Variants in FAM228B observed in about 807,000 individuals in gnomAD.
FAM228B encodes protein FAM228B.
A neutral mutation model predicts 42.6 loss-of-function variants in FAM228B; 38 were observed. That is an observed-to-expected ratio of 0.89 (90% CI 0.69 to 1.17). FAM228B has a LOEUF of 1.17. Ranked by LOEUF, FAM228B falls within the 50% of genes most tolerant of loss-of-function variation. The pLI is 0.00. For synonymous variants in FAM228B, 109 were observed against 122.3 expected, an observed-to-expected ratio of 0.89 and a Z score of 0.72; for missense variants, 344 against 367.3, an observed-to-expected ratio of 0.94 and a Z score of 0.52.
At chr2:24,132,211 G>A (rs1407310969) in intron 2 of FAM228B, among the ~76,000 whole-genome samples, 1 of 152,156 alleles carries the variant, frequency 6.6e-6, no homozygotes, top group African/African-American at 2.4e-5. Context: ...GCTTTTTGAT[G>A]TGCTGCTGGA....
chr2:24,146,843 G>A lies in FAM228B; in HGVS notation c.529+8G>A. On this transcript the variant is annotated splice_region_variant and intron_variant, in intron 6 of 10. Coordinates refer to ENST00000615575, the MANE Select transcript of FAM228B (RefSeq NM_001145710.2). ...TTCTTCAGTGTGAGACTGGTACTTA[G>A]TTCCTAATTGTTATGTGATTTCATA... 1.3e-6 allele frequency: 2 copies of A among 1,540,802 alleles called. No individual in the cohort carries two copies. Among genetic ancestry groups the A allele is most frequent in the Non-Finnish European group, 1.8e-6 (2 of 1,137,540 alleles).
chr2:24,124,349 A>G lies in FAM228B; in HGVS notation c.-13A>G, dbSNP rs961259396. The G allele has an allele frequency of 2.0e-6, 3 of 1,514,214 alleles. No individual in the cohort carries two copies. Among genetic ancestry groups the G allele is most frequent in the Middle Eastern group, 1.7e-4 (1 of 5,876 alleles). The allele number at this position is 1,514,214 out of a possible 1,614,324, so 93.8% of individuals were successfully genotyped here. A position where few individuals can be genotyped will look rare whatever the true frequency, so the allele number is the denominator to read the frequency against. ...TTTTAGTTTTTCCAGGGGCATTGTT[A>G]TTTGTGACCACAATGAAAAATGTAG... On this transcript the variant is annotated 5_prime_UTR_variant, in exon 2 of 11. Coordinates refer to ENST00000615575, the MANE Select transcript of FAM228B (RefSeq NM_001145710.2).
At chr2:24,083,172 C>T (rs750128704) in intron 2 of FAM228B, 2 of 1,579,674 alleles carry the variant, frequency 1.3e-6, no homozygotes, top group South Asian at 1.1e-5. Flanking sequence ...AAGAAGTGCA[C>T]TAAGTGGTGA....
chr2:24,161,766 C>T (rs926780834), intron 8 of FAM228B, among the ~76,000 whole-genome samples, 153 bp downstream of exon 8: 1 of 152,210 alleles, frequency 6.6e-6, no homozygotes, highest in Non-Finnish European at 1.5e-5. Context: ...ACCACTGTGT[C>T]TGGTGAGGTG....
chr2:24,155,504 C>CAT lies in FAM228B; in HGVS notation c.687-5975_687-5974dup, dbSNP rs1156603467. 6.7e-3 allele frequency among the ~76,000 whole-genome samples: 240 copies of CAT among 35,864 alleles called. 7 individuals are homozygous for CAT. The highest frequency in any genetic ancestry group is 0.021 in the African/African-American group (203 of 9,876). 23.5% of individuals were successfully genotyped at this position (35,864 alleles called of 152,430 possible). The stretch of plus-strand genomic sequence containing the variant: ...GTGCCAGAAGTCATTGAAGACCATG[C>CAT]ATATATATATATATATATATATATA... On this transcript the variant is annotated intron_variant, in intron 7 of 10. Transcript: ENST00000615575.
chr2:24,119,278 A>T (rs1666022308), upstream of FAM228B, among the ~76,000 whole-genome samples: 1 of 152,122 alleles, frequency 6.6e-6, no homozygotes, highest in South Asian at 2.1e-4. Flanking sequence ...ATTAAGGGGT[A>T]TTATGGGAGG....
At chr2:24,130,768 A>G (rs1194690452) in intron 2 of FAM228B, among the ~76,000 whole-genome samples, 2 of 152,122 alleles carry the variant, frequency 1.3e-5, no homozygotes, top group African/African-American at 4.8e-5. Context: ...TTCCAATGAT[A>G]GTTTCTTTTG....
chr2:24,097,593 T>G (rs1471536239), intron 3 of FAM228B: 2 of 151,714 alleles, frequency 1.3e-5, no homozygotes, highest in Non-Finnish European at 2.9e-5. Context: ...CTATCCTAAA[T>G]ATATATGCAC....
chr2:24,081,998 T>G (rs1665028244), intron 2 of FAM228B, among the ~76,000 whole-genome samples: 1 of 151,802 alleles, frequency 6.6e-6, no homozygotes, highest in African/African-American at 2.4e-5. Flanking sequence ...CCCAGCCTAC[T>G]CTTTCTTTTT....
chr2:24,099,651 C>T (rs1358509288), intron 3 of FAM228B, among the ~76,000 whole-genome samples: 1 of 152,204 alleles, frequency 6.6e-6, no homozygotes, highest in Non-Finnish European at 1.5e-5. Context: ...ATTTCATTCT[C>T]ATGGATAGGA....
chr2:24,084,182 TG>T lies in FAM228B; in HGVS notation c.-210+3230del. The T allele has an allele frequency of 6.2e-7, 1 of 1,609,714 alleles. No homozygotes were observed. Among genetic ancestry groups the T allele is most frequent in the Non-Finnish European group, 8.5e-7 (1 of 1,178,570 alleles). ...CGCCCGCCCCGGCGCGGCTGAGCCCTGGGTACCTGCATTAAGTCCGCCCGGT... is the reference window on the plus strand; with the variant it reads ...CGCCCGCCCCGGCGCGGCTGAGCCCTGGTACCTGCATTAAGTCCGCCCGGT... On this transcript the variant is annotated intron_variant, in intron 2 of 10. Transcript: ENST00000613899. The surrounding 1 kb of genome is among the most constrained non-coding windows in gnomAD (Gnocchi z 8.4).
At chr2:24,151,471 T>C (rs1196985520) in intron 7 of FAM228B, among the ~76,000 whole-genome samples, 3 of 151,880 alleles carry the variant, frequency 2.0e-5, no homozygotes, top group Non-Finnish European at 4.4e-5. Context: ...TTTGTATTTT[T>C]ATTAGAGATG....
intron 3 of FAM228B, chr2:24,097,201 G>A (rs899453839): frequency 3.9e-5 from 6 of 152,144 alleles, no homozygotes; most frequent in Non-Finnish European, 8.8e-5. Context: ...TCGATGCTAT[G>A]AAGAAACTGC....
At chr2:24,132,237 T>G (rs1666470514) in intron 2 of FAM228B, among the ~76,000 whole-genome samples, 1 of 152,178 alleles carries the variant, frequency 6.6e-6, no homozygotes. Context: ...TTTGCCAGTA[T>G]TTTATTGACA....
intron 2 of FAM228B, among the ~76,000 whole-genome samples, chr2:24,134,642 G>A (rs530745141): frequency 6.6e-5 from 10 of 152,298 alleles, no homozygotes; most frequent in Middle Eastern, 3.4e-3. Flanking sequence ...CAGACAGATC[G>A]AAATACTGTT....
chr2:24,121,231 C>G (rs555639473), upstream of FAM228B: 1 of 1,614,150 alleles, frequency 6.2e-7, no homozygotes, highest in South Asian at 1.1e-5. Context: ...AAATACAGTC[C>G]TTCTCTTCGG....
upstream of FAM228B, chr2:24,121,137 G>T (rs776497287): frequency 6.2e-7 from 1 of 1,613,112 alleles, no homozygotes; most frequent in East Asian, 2.2e-5. Flanking sequence ...CTTTTACTCA[G>T]CTCTCTTCAA....
chr2:24,095,189 A>T lies in FAM228B; in HGVS notation c.-161A>T, dbSNP rs1665471556. On this transcript the variant is annotated 5_prime_UTR_variant, in exon 3 of 11. Coordinates refer to the FAM228B transcript ENST00000613899. This position sits in a 1 kb window ranked among gnomAD's most constrained non-coding sequence, Gnocchi z 4.8. ...GCTCCAGTCTGCAGCTCCCAGCGTGATCGACGCAGAAGACAGGTGATTTCT... is the reference window on the plus strand; with the variant it reads ...GCTCCAGTCTGCAGCTCCCAGCGTGTTCGACGCAGAAGACAGGTGATTTCT... 1 of 152,546 alleles carries T rather than the reference A, an allele frequency of 6.6e-6. No individual in the cohort carries two copies. The highest frequency in any genetic ancestry group is 1.5e-5 in the Non-Finnish European group (1 of 68,350). The allele number at this position is 152,546 out of a possible 1,614,324, so 9.4% of individuals were successfully genotyped here.
chr2:24,092,926 AC>A (rs1665420649), intron 2 of FAM228B, among the ~76,000 whole-genome samples: 1 of 103,588 alleles, frequency 9.7e-6, no homozygotes, highest in African/African-American at 7.5e-5. Flanking sequence ...GATTTTATGC[AC>A]ACACACACAC....
Sources: allele counts gnomAD v4.1 joint callset (sites outside exome capture counted in the v4.1 genomes callset), GRCh38; gene constraint gnomAD v4.1.1; non-coding constraint Gnocchi (gnomAD v3.1); transcripts MANE v1.5; gene names NCBI Gene and HGNC (gene_info 2026-07-23, HGNC 2026-07-21).